The following F9 variants were observed in gnomAD, a reference collection of about 807,000 sequenced individuals.
The protein encoded by F9 is coagulation factor IX.
In F9, 2 loss-of-function variants were observed where a neutral mutation model predicts 34.1. The ratio of observed to expected loss-of-function variants is 0.06; its 90% CI spans 0.02 to 0.18. F9 has a LOEUF of 0.18. Ranked by LOEUF, F9 falls within the 10% of genes least tolerant of loss-of-function variation. The pLI, the probability that F9 is intolerant of heterozygous loss-of-function variation, is 1.00. For synonymous variants in F9, 137 were observed against 118.8 expected, an observed-to-expected ratio of 1.15 and a Z score of -1.00; for missense variants, 216 against 345.1, an observed-to-expected ratio of 0.63 and a Z score of 2.96.
chrX:139,555,224 G>GC (rs1214212145), intron 6 of F9, among the ~76,000 whole-genome samples: 1 of 112,481 alleles, frequency 8.9e-6, no homozygotes, highest in Non-Finnish European at 1.9e-5. Context: ...CGGCTAGATA[G>GC]CCCCATTCAG....
chrX:139,541,065 C>T lies in F9; in HGVS notation c.278-11C>T. The T allele has an allele frequency of 8.6e-7, 1 of 1,164,574 alleles. No homozygotes were observed. Among genetic ancestry groups the T allele is most frequent in the African/African-American group, 1.8e-5 (1 of 56,741 alleles). ...TTACGTGCCAATTCAATTTCTTAAC[C>T]TATCTCAAAGATGGAGATCAGTGTG... is the stretch of plus-strand genomic sequence containing the variant. On this transcript the variant is annotated splice_polypyrimidine_tract_variant and intron_variant, in intron 3 of 7. Transcript: ENST00000218099.
At chrX:139,543,346 T>C (rs1272039798) in intron 4 of F9, among the ~76,000 whole-genome samples, 1 of 111,467 alleles carries the variant, frequency 9.0e-6, no homozygotes, top group African/African-American at 3.3e-5. Flanking sequence ...CAAACCCAAA[T>C]ATCTCTCAGA....
chrX:139,537,621 C>T (rs748511785), intron 3 of F9, among the ~76,000 whole-genome samples: 2 of 111,463 alleles, frequency 1.8e-5, no homozygotes, highest in African/African-American at 6.5e-5. Context: ...CATTGTTCCA[C>T]CCCAGGAGGG....
rs776894974 is a variant in F9, at chrX:139,537,051, C to T, written c.130C>T (p.Pro44Ser). 2 of 1,207,787 alleles carry T rather than the reference C, an allele frequency of 1.7e-6. No individual in the cohort carries two copies. Among genetic ancestry groups the T allele is most frequent in the East Asian group, 5.9e-5 (2 of 33,682 alleles). ...HENANKILNR[P>S]KRYNSGKLEE... ...AAACGCCAACAAAATTCTGAATCGG[C>T]CAAAGAGGTATAATTCAGGTAAATT... Residue 44 changes from proline to serine, a missense_variant, in exon 2 of 8, where the codon CCA becomes TCA. Around this residue, in one of 2 missense-constraint regions of F9, gnomAD observed 177 missense variants for 311.8 expected, o/e 0.57. Coordinates refer to ENST00000218099, the MANE Select transcript of F9 (RefSeq NM_000133.4).
In F9 at chrX:139,541,092, G is replaced by A. The variant is rs751604122; in HGVS notation, c.294G>A (p.Glu98=). 9.2e-6 allele frequency: 11 copies of A among 1,195,882 alleles called. No homozygotes were observed. The highest frequency in any genetic ancestry group is 1.1e-5 in the Non-Finnish European group (10 of 883,997). The change falls in exon 4 of 8, where the codon GAG becomes GAA. Residue 98 remains glutamate, a synonymous_variant. Transcript: ENST00000218099. ...WKQYVDGDQC[E]SNPCLNGGSC... is the part of the protein sequence containing the mutation. Reference sequence around the variant, plus strand: ...ATCTCAAAGATGGAGATCAGTGTGAGTCCAATCCATGTTTAAATGGCGGCA... The same window carrying A: ...ATCTCAAAGATGGAGATCAGTGTGAATCCAATCCATGTTTAAATGGCGGCA...
At chrX:139,543,020 T>C (rs1222704094) in intron 4 of F9, among the ~76,000 whole-genome samples, 1 of 110,722 alleles carries the variant, frequency 9.0e-6, no homozygotes, top group Non-Finnish European at 1.9e-5. Flanking sequence ...AGAGGAAAGC[T>C]ACAGCAAAAG....
intron 6 of F9, among the ~76,000 whole-genome samples, chrX:139,558,906 T>A (rs1354552413): frequency 2.7e-5 from 3 of 111,990 alleles, no homozygotes; most frequent in Non-Finnish European, 5.6e-5. Context: ...CTGCAATTGG[T>A]CCACAGACCA....
At chrX:139,530,982 C>T (rs887820254) in intron 1 of F9, 130 bp downstream of exon 1, 16 of 571,315 alleles carry the variant, frequency 2.8e-5, no homozygotes, top group African/African-American at 9.0e-5. Flanking sequence ...ACAGCCAGCA[C>T]GCAGGTTGGT....
chrX:139,561,618 G>A lies in F9; in HGVS notation c.933G>A (p.Lys311=). 8.3e-7 allele frequency: 1 copy of A among 1,210,878 alleles called. No individual in the cohort carries two copies. Among genetic ancestry groups the A allele is most frequent in the Non-Finnish European group, 1.1e-6 (1 of 894,801 alleles). The change falls in exon 8 of 8, where the codon AAG becomes AAA. Residue 311 remains lysine (K), a synonymous_variant. Coordinates refer to ENST00000218099, the MANE Select transcript of F9 (RefSeq NM_000133.4). ...PHHNYNAAIN[K]YNHDIALLEL... is the part of the protein sequence containing the mutation. ...ACAACTACAATGCAGCTATTAATAAGTACAACCATGACATTGCCCTTCTGG... is the reference window on the plus strand; with the variant it reads ...ACAACTACAATGCAGCTATTAATAAATACAACCATGACATTGCCCTTCTGG...
intron 6 of F9, among the ~76,000 whole-genome samples, chrX:139,553,145 C>T (rs1402195016): frequency 8.9e-6 from 1 of 111,844 alleles, no homozygotes; most frequent in Non-Finnish European, 1.9e-5. Flanking sequence ...TGGACCTGAT[C>T]TTATAACTCA....
chrX:139,560,916 AC>A lies in F9; in HGVS notation c.838+63del, dbSNP rs963171779. On this transcript the variant is annotated intron_variant, in intron 7 of 7. Transcript: ENST00000218099. ...ACTAGCTCTTTAATATGATTGGTAC[AC>A]CATATTTTACTAAGGTCTAATAAAA... 3 of 846,829 alleles carry A rather than the reference AC, an allele frequency of 3.5e-6. No individual in the cohort carries two copies. In the African/African-American group the frequency reaches 6.0e-5, roughly 17 times the overall value. 69.8% of individuals were successfully genotyped at this position (846,829 alleles called of 1,213,427 possible).
chrX:139,542,851 C>G (rs944796390), intron 4 of F9, among the ~76,000 whole-genome samples: 1 of 110,961 alleles, frequency 9.0e-6, no homozygotes, highest in African/African-American at 3.3e-5. Flanking sequence ...TTGGTTTGGT[C>G]AAGGCTGTGC....
At chrX:139,549,497 A>G (rs1372285051) in intron 5 of F9, among the ~76,000 whole-genome samples, 1 of 112,266 alleles carries the variant, frequency 8.9e-6, no homozygotes, top group Non-Finnish European at 1.9e-5. Context: ...AGCCCCGAAC[A>G]GAGATTTACC....
intron 1 of F9, among the ~76,000 whole-genome samples, chrX:139,534,269 C>T (rs190491224): frequency 8.9e-6 from 1 of 112,179 alleles, no homozygotes; most frequent in Admixed American, 9.4e-5. Flanking sequence ...ATCCTGCCAA[C>T]ACCTGTGAGA....
intron 6 of F9, among the ~76,000 whole-genome samples, chrX:139,552,983 A>C (rs1196779053): frequency 8.9e-6 from 1 of 112,396 alleles, no homozygotes; most frequent in Non-Finnish European, 1.9e-5. Flanking sequence ...TTTTCAACAT[A>C]ATGGATGTAA....
intron 1 of F9, among the ~76,000 whole-genome samples, chrX:139,535,700 T>C (rs1927443465): frequency 9.0e-6 from 1 of 111,442 alleles, no homozygotes; most frequent in African/African-American, 3.3e-5. Flanking sequence ...CTTGAGTCCC[T>C]GTTATTAATT....
chrX:139,545,154 T>G (rs897067258), intron 4 of F9: 2 of 111,888 alleles, frequency 1.8e-5, no homozygotes, highest in Non-Finnish European at 3.8e-5. Flanking sequence ...AGGAGGTATC[T>G]AATACAGTCA....
At chrX:139,548,294 A>AAT (rs2148361082) in intron 4 of F9, 69 bp from the exon 5 acceptor site, 1 of 1,109,586 alleles carries the variant, frequency 9.0e-7, no homozygotes, top group Admixed American at 2.2e-5. Flanking sequence ...TACATGAGTC[A>AAT]GTAGTTCCAT....
At chrX:139,540,887 CTTTG>C (rs757415353) in intron 3 of F9, among the ~76,000 whole-genome samples, 185 bp from the exon 4 acceptor site, 2 of 111,469 alleles carry the variant, frequency 1.8e-5, no homozygotes, top group African/African-American at 6.5e-5. Context: ...GCCTAAGGAT[CTTTG>C]TTTGGGTGGC....
Sources: gnomAD v4.1 joint callset for allele counts (sites outside exome capture counted in the v4.1 genomes callset) on GRCh38, gnomAD v4.1.1 for gene constraint, gnomAD v4.1.1 regional missense constraint, MANE v1.5 for transcripts, NCBI Gene and HGNC (gene_info 2026-07-23, HGNC 2026-07-21) for gene names.